Variants in PDE11A observed in about 807,000 individuals in gnomAD.
PDE11A encodes phosphodiesterase 11A, also known as dual 3',5'-cyclic-AMP and -GMP phosphodiesterase 11A.
In PDE11A, 100 loss-of-function variants were observed where a neutral mutation model predicts 100.5. The observed-to-expected ratio is 1.00, with a 90% CI of 0.85 to 1.18. PDE11A has a LOEUF of 1.18. Ranked by LOEUF, PDE11A falls within the 50% of genes most tolerant of loss-of-function variation. The pLI is 0.00. For synonymous variants in PDE11A, 381 were observed against 420.8 expected (o/e 0.91, Z 1.16); for missense variants, 1,141 against 1,152.6 (o/e 0.99, Z 0.15).
At chr2:177,854,732 T>C (rs2083799718) in intron 5 of PDE11A, among the ~76,000 whole-genome samples, 1 of 152,152 alleles carries the variant, frequency 6.6e-6, no homozygotes, top group Admixed American at 6.6e-5. Flanking sequence ...GAAGTGGCTT[T>C]GATACCAAGA....
chr2:177,912,273 G>C (rs1026668647), intron 2 of PDE11A, among the ~76,000 whole-genome samples: 2 of 152,112 alleles, frequency 1.3e-5, no homozygotes, highest in Admixed American at 6.5e-5. Flanking sequence ...CTGTCCCTGA[G>C]TATTAAAGCT....
At chr2:177,711,983 AAGG>A (rs768216307) in intron 12 of PDE11A, 105 bp from the exon 13 acceptor site, 31 of 675,378 alleles carry the variant, frequency 4.6e-5, no homozygotes, top group Non-Finnish European at 8.2e-5. Flanking sequence ...CACATCATTT[AAGG>A]AGATGATTAA....
chr2:177,841,803 T>A (rs1453618804), intron 5 of PDE11A, among the ~76,000 whole-genome samples: 3 of 152,260 alleles, frequency 2.0e-5, no homozygotes, highest in Non-Finnish European at 4.4e-5. Context: ...CTGAGTCTTG[T>A]AGTTCTTAGA....
Position 177,675,596 on chromosome 2 carries a change from A to G in PDE11A, c.2424-78T>C, listed in dbSNP as rs764564438. 1.1e-5 allele frequency: 11 copies of G among 1,031,058 alleles called. No homozygotes were observed. In the Admixed American group the frequency reaches 1.7e-4, roughly 16 times the overall value. The allele number at this position is 1,031,058 out of a possible 1,614,324, so 63.9% of individuals were successfully genotyped here. A position where few individuals can be genotyped will look rare whatever the true frequency, so the allele number is the denominator to read the frequency against. ...AAACAAACCCGTCCTAGATACATAA[A>G]TAAATAAAATAAAATGGAAACGAGG... On this transcript the variant is annotated intron_variant, in intron 16 of 19. Transcript: ENST00000286063.
chr2:177,884,630 G>T (rs1030377845), intron 4 of PDE11A, among the ~76,000 whole-genome samples: 1 of 152,180 alleles, frequency 6.6e-6, no homozygotes, highest in Non-Finnish European at 1.5e-5. Flanking sequence ...GGCCTTGAAT[G>T]TTGGGTAGTG....
chr2:177,990,863 G>A (rs1574327074), intron 2 of PDE11A, among the ~76,000 whole-genome samples: 1 of 150,134 alleles, frequency 6.7e-6, no homozygotes, highest in South Asian at 2.2e-4. Flanking sequence ...GCACGGTGGT[G>A]CGCTCCTGCA....
intron 1 of PDE11A, among the ~76,000 whole-genome samples, chr2:178,107,999 C>T (rs1178279347): frequency 6.6e-6 from 1 of 152,090 alleles, no homozygotes; most frequent in Non-Finnish European, 1.5e-5. Context: ...GGATTAGAGG[C>T]GTAAGCCACC....
intron 1 of PDE11A, among the ~76,000 whole-genome samples, chr2:178,049,015 A>T (rs998795194): frequency 6.6e-6 from 1 of 152,162 alleles, no homozygotes; most frequent in Admixed American, 6.5e-5. Flanking sequence ...TTCCTAATCT[A>T]TGAAAGGAAA....
chr2:177,772,431 ATTATG>A (rs576826896), intron 9 of PDE11A, among the ~76,000 whole-genome samples: 364 of 152,264 alleles, frequency 2.4e-3, no homozygotes, highest in Non-Finnish European at 2.7e-3. Context: ...TTGGCTGGAT[ATTATG>A]TTATGTCATT....
chr2:177,886,986 C>T (rs1319141659), intron 4 of PDE11A, among the ~76,000 whole-genome samples: 1 of 152,166 alleles, frequency 6.6e-6, no homozygotes, highest in South Asian at 2.1e-4. Context: ...GGAATTTCAG[C>T]TCCTGCTGGG....
rs1574333366 is a variant in PDE11A, at chr2:177,999,969, T to C, written c.1071+14333A>G. On this transcript the variant is annotated intron_variant, in intron 2 of 19. Transcript: ENST00000286063. ...GCTTGGGCCCTCCCTTGGGGCACCT[T>C]GCTGCCTGCTTTGGTAATATAGTCA... is the stretch of plus-strand genomic sequence containing the variant. Among the ~76,000 whole-genome samples, 5 of 152,234 alleles carry C rather than the reference T, an allele frequency of 3.3e-5. No homozygotes were observed. In the South Asian group the frequency reaches 1.0e-3, roughly 32 times the overall value.
upstream of PDE11A, chr2:178,073,189 C>G: frequency 2.2e-6 from 1 of 458,912 alleles, no homozygotes; most frequent in East Asian, 1.5e-4. Context: ...CGTTCACCCT[C>G]AGAGACAGGC....
upstream of PDE11A, among the ~76,000 whole-genome samples, chr2:178,073,344 G>C (rs141949563): frequency 1.3e-3 from 194 of 152,300 alleles, 2 homozygotes; most frequent in African/African-American, 4.5e-3. Flanking sequence ...TAAAGTTTCC[G>C]ATGTGAGCAA....
intron 5 of PDE11A, among the ~76,000 whole-genome samples, chr2:177,845,410 C>T (rs1282979086): frequency 3.4e-5 from 5 of 148,614 alleles, no homozygotes; most frequent in South Asian, 4.3e-4. Context: ...GGGGCAGAGG[C>T]GCTCCCCACA....
chr2:177,685,514 GACTA>G (rs1412903618), intron 15 of PDE11A, among the ~76,000 whole-genome samples: 1 of 152,104 alleles, frequency 6.6e-6, no homozygotes, highest in Non-Finnish European at 1.5e-5. Context: ...TTCCCTGTGT[GACTA>G]ACTCATTGCA....
At chr2:177,954,450 A>G (rs1391317526) in intron 2 of PDE11A, among the ~76,000 whole-genome samples, 1 of 152,200 alleles carries the variant, frequency 6.6e-6, no homozygotes, top group Non-Finnish European at 1.5e-5. Context: ...ACTGGTAATT[A>G]GAGCAGCAGA....
rs141060025 is a variant in PDE11A, at chr2:177,869,250, C to T, written c.1367+6609G>A. On this transcript the variant is annotated intron_variant, in intron 5 of 19. Transcript: ENST00000286063. Reference sequence around the variant, plus strand: ...GCTGGAAGTCACAAGTTCATCATGACGTGCTGGATTTGCTGCTCAGGCTCT... The same window carrying T: ...GCTGGAAGTCACAAGTTCATCATGATGTGCTGGATTTGCTGCTCAGGCTCT... Among the ~76,000 whole-genome samples the T allele has an allele frequency of 4.4e-3, 668 of 152,316 alleles. 2 individuals are homozygous for T. Among genetic ancestry groups the T allele is most frequent in the African/African-American group, 0.015 (641 of 41,576 alleles).
chr2:178,040,968 C>T (rs1029827649), intron 1 of PDE11A, among the ~76,000 whole-genome samples: 36 of 152,216 alleles, frequency 2.4e-4, no homozygotes, highest in African/African-American at 7.9e-4. Context: ...GAGACAGGGT[C>T]TCACTCTGTT....
At chr2:177,884,260 C>T (rs911323592) in intron 4 of PDE11A, among the ~76,000 whole-genome samples, 2 of 152,180 alleles carry the variant, frequency 1.3e-5, no homozygotes, top group African/African-American at 4.8e-5. Context: ...CCACTCTGCC[C>T]TAGCACATTT....
Sources: allele counts gnomAD v4.1 joint callset (sites outside exome capture counted in the v4.1 genomes callset), GRCh38; gene constraint gnomAD v4.1.1; transcripts MANE v1.5; gene names NCBI Gene and HGNC (gene_info 2026-07-23, HGNC 2026-07-21).